Variants in DOCK5 observed in about 807,000 individuals in gnomAD.
The protein encoded by DOCK5 is dedicator of cytokinesis protein 5.
In DOCK5, 142 loss-of-function variants were observed where a neutral mutation model predicts 251.8. That is an observed-to-expected ratio of 0.56 (90% confidence interval 0.49 to 0.65). The LOEUF is 0.65. Among genes scored for constraint, DOCK5 ranks in the 30% least tolerant of loss-of-function variants. The probability of loss-of-function intolerance (pLI) is 0.00; values close to 1 mark genes in which losing one functional copy is unlikely to be tolerated. For synonymous variants in DOCK5, 842 were observed against 835.5 expected (o/e 1.01, Z -0.13); for missense variants, 2,111 against 2,312.3 (o/e 0.91, Z 1.79).
At chr8:25,282,228 C>G (rs1804212466) in intron 5 of DOCK5, among the ~76,000 whole-genome samples, 1 of 149,854 alleles carries the variant, frequency 6.7e-6, no homozygotes, top group African/African-American at 2.5e-5. Context: ...TTGTGGCTTT[C>G]TCTTTTTTTT....
chr8:25,270,887 T>G (rs1210006582), intron 3 of DOCK5: 1 of 684,038 alleles, frequency 1.5e-6, no homozygotes, highest in Non-Finnish European at 2.7e-6. Flanking sequence ...CTGCATTTCC[T>G]CCCGTGTACT....
intron 22 of DOCK5, among the ~76,000 whole-genome samples, chr8:25,337,696 G>A (rs767912043): frequency 4.7e-5 from 7 of 149,720 alleles, no homozygotes; most frequent in Non-Finnish European, 1.0e-4. Context: ...AGCGATTCTC[G>A]TGCCTCAGCC....
intron 3 of DOCK5, among the ~76,000 whole-genome samples, chr8:25,272,380 T>C (rs1425502970): frequency 6.6e-6 from 1 of 152,172 alleles, no homozygotes; most frequent in African/African-American, 2.4e-5. Context: ...CCAGTGTAAA[T>C]TGTCTGCTTA....
chr8:25,299,269 G>A lies in DOCK5; in HGVS notation c.764+168G>A, dbSNP rs556816711. ...CATATGGTCTATGAAGCCTTCATAT[G>A]TCACTACTAGAACAATGAGGCCAGT... is the stretch of plus-strand genomic sequence containing the variant. On this transcript the variant is annotated intron_variant, in intron 8 of 51. Transcript: ENST00000276440. 5.6e-6 allele frequency: 4 copies of A among 712,314 alleles called. No individual in the cohort carries two copies. The Admixed American group carries it at 1.3e-4, about 23-fold the overall frequency. 44.1% of individuals were successfully genotyped at this position (712,314 alleles called of 1,614,324 possible).
chr8:25,259,421 T>A (rs2117579797), intron 2 of DOCK5, among the ~76,000 whole-genome samples: 1 of 152,326 alleles, frequency 6.6e-6, no homozygotes, highest in South Asian at 2.1e-4. Flanking sequence ...TTTCAGTTCC[T>A]TAACTATGTT....
intron 1 of DOCK5, among the ~76,000 whole-genome samples, chr8:25,228,848 G>T (rs1289012097): frequency 6.6e-6 from 1 of 151,898 alleles, no homozygotes; most frequent in Non-Finnish European, 1.5e-5. Context: ...TTTATTTAGA[G>T]AATTGAACTC....
chr8:25,229,152 C>T (rs1352044578), intron 1 of DOCK5, among the ~76,000 whole-genome samples: 6 of 151,986 alleles, frequency 3.9e-5, no homozygotes, highest in African/African-American at 9.7e-5. Context: ...ATGCAGGAAC[C>T]AGAAAGAATG....
intron 16 of DOCK5, among the ~76,000 whole-genome samples, chr8:25,321,851 G>A (rs1021376805): frequency 2.6e-5 from 4 of 152,072 alleles, no homozygotes; most frequent in African/African-American, 9.7e-5. Context: ...AATAGGTATA[G>A]GAAAGGCTAT....
intron 3 of DOCK5, among the ~76,000 whole-genome samples, chr8:25,274,984 T>G (rs1423892727): frequency 1.3e-5 from 2 of 152,144 alleles, no homozygotes; most frequent in Non-Finnish European, 2.9e-5. Flanking sequence ...GAGGGATGAC[T>G]TATTTTATGG....
At chr8:25,215,451 C>T (rs1429594317) in intron 1 of DOCK5, among the ~76,000 whole-genome samples, 2 of 151,990 alleles carry the variant, frequency 1.3e-5, no homozygotes, top group South Asian at 2.1e-4. Flanking sequence ...TTCTACACCC[C>T]GATCCCCAGT....
chr8:25,411,203 C>G lies in DOCK5; in HGVS notation c.5518C>G (p.Pro1840Ala). 1 of 1,586,360 alleles carries G rather than the reference C, an allele frequency of 6.3e-7. No individual in the cohort carries two copies. The highest frequency in any genetic ancestry group is 1.4e-5 in the African/African-American group (1 of 73,176). Residue 1840 changes from proline to alanine, a missense_variant, in exon 52 of 52, where the codon CCA (proline) becomes GCA (alanine). This residue lies in a region of DOCK5 where 1,717 missense variants were observed against 1,892.4 expected (regional missense o/e 0.91). Coordinates refer to ENST00000276440, the MANE Select transcript of DOCK5 (RefSeq NM_024940.8). ...SQRNSTELAP[P>A]LPVRREAKAP... ...GTTTCTGCTTCTGCAGCTCGCTCCC[C>G]CACTGCCTGTCCGAAGAGAAGCCAA...
chr8:25,311,783 G>A lies in DOCK5; in HGVS notation c.1318+1251G>A, dbSNP rs564632393. On this transcript the variant is annotated intron_variant, in intron 13 of 51. Transcript: ENST00000276440. ...TCAAAAATACAAAAATTAGCTGGGC[G>A]TGGTGGCTGGTGCCTGTAGTCCCAG... Among the ~76,000 whole-genome samples the A allele has an allele frequency of 9.0e-4, 137 of 151,690 alleles. 4 individuals carry two copies. In the South Asian group the frequency reaches 0.026, roughly 29 times the overall value.
At chr8:25,259,937 C>T (rs904127128) in intron 2 of DOCK5, among the ~76,000 whole-genome samples, 1 of 152,246 alleles carries the variant, frequency 6.6e-6, no homozygotes, top group African/African-American at 2.4e-5. Context: ...CCTTGACTTT[C>T]TGCCTTTGAA....
chr8:25,283,604 C>A (rs191051011), intron 5 of DOCK5, among the ~76,000 whole-genome samples: 2 of 141,364 alleles, frequency 1.4e-5, no homozygotes, highest in Admixed American at 1.5e-4. Context: ...CACCCTCCCT[C>A]TGGGAAGCCT....
intron 1 of DOCK5, among the ~76,000 whole-genome samples, chr8:25,196,406 G>A (rs1206023408): frequency 6.6e-6 from 1 of 152,176 alleles, no homozygotes; most frequent in African/African-American, 2.4e-5. Flanking sequence ...CTAATACAAG[G>A]AGTTGAGATT....
intron 51 of DOCK5, among the ~76,000 whole-genome samples, chr8:25,410,970 TGTGCGC>T (rs1436757478): frequency 6.1e-3 from 114 of 18,642 alleles, no homozygotes; most frequent in South Asian, 0.059. Context: ...TGTGTGTGTG[TGTGCGC>T]GCGCGCGCAC....
chr8:25,294,574 G>A (rs892593251), intron 6 of DOCK5, among the ~76,000 whole-genome samples: 2 of 152,074 alleles, frequency 1.3e-5, no homozygotes, highest in African/African-American at 2.4e-5. Context: ...TTGCACCCAC[G>A]ATATGGCCGT....
chr8:25,220,030 CT>C (rs1802341771), intron 1 of DOCK5, among the ~76,000 whole-genome samples: 1 of 145,150 alleles, frequency 6.9e-6, no homozygotes, highest in Admixed American at 7.2e-5. Flanking sequence ...GTCTATTGTC[CT>C]TCTCTTTGTT....
At chr8:25,239,251 G>A (rs1211850686) in intron 1 of DOCK5, among the ~76,000 whole-genome samples, 1 of 151,956 alleles carries the variant, frequency 6.6e-6, no homozygotes, top group Non-Finnish European at 1.5e-5. Context: ...GGACAATTTT[G>A]GAGGTATTTT....
Sources: allele counts gnomAD v4.1 joint callset (sites outside exome capture counted in the v4.1 genomes callset), GRCh38; gene constraint gnomAD v4.1.1; regional missense constraint gnomAD v4.1.1; transcripts MANE v1.5; gene names NCBI Gene and HGNC (gene_info 2026-07-23, HGNC 2026-07-21).